The following BAP1 variants were observed in gnomAD, a reference collection of about 807,000 sequenced individuals.
BAP1 encodes the protein BRCA1 associated deubiquitinase 1, also known as ubiquitin carboxyl-terminal hydrolase BAP1.
In BAP1, 16 loss-of-function variants were observed where a neutral mutation model predicts 77.2. The ratio of observed to expected loss-of-function variants is 0.21; its 90% confidence interval spans 0.14 to 0.31. The LOEUF is 0.31. Among genes scored for constraint, BAP1 ranks in the 10% least tolerant of loss-of-function variants. The pLI is 1.00. For missense variants in BAP1, 699 were observed against 967.3 expected, an observed-to-expected ratio of 0.72 and a Z score of 3.68; for synonymous variants, 362 against 385.2, an observed-to-expected ratio of 0.94 and a Z score of 0.71.
chr3:52,409,407 G>T, intron 3 of BAP1, 147 bp downstream of exon 3: 1 of 1,079,698 alleles, frequency 9.3e-7, no homozygotes, highest in Non-Finnish European at 1.4e-6. Flanking sequence ...TTGATCAGGA[G>T]CGGGCACTCA....
chr3:52,406,688 G>A lies in BAP1; in HGVS notation c.659+141C>T. ...GCCCAGGCAGGAAATAAGACAACAA[G>A]TTGAGAACCCATGATCTAAGCCTGA... On this transcript the variant is annotated intron_variant, in intron 8 of 16. Coordinates refer to ENST00000460680, the MANE Select transcript of BAP1 (RefSeq NM_004656.4). The surrounding 1 kb of genome is among the most constrained non-coding windows in gnomAD (Gnocchi z 4.6). The A allele has an allele frequency of 1.9e-6, 2 of 1,075,504 alleles. No individual in the cohort carries two copies. Among genetic ancestry groups the A allele is most frequent in the South Asian group, 1.4e-5 (1 of 72,462 alleles). The allele number at this position is 1,075,504 out of a possible 1,614,324, so 66.6% of individuals were successfully genotyped here. A position where few individuals can be genotyped will look rare whatever the true frequency, so the allele number is the denominator to read the frequency against.
In BAP1 at chr3:52,404,535, G is replaced by T. The variant is rs1425178905; in HGVS notation, c.1168C>A (p.Pro390Thr). Residue 390 changes from proline (P) to threonine (T), a missense_variant, in exon 12 of 17, where the codon CCA (proline) becomes ACA (threonine). By Grantham distance (38) the Pro-to-Thr change is conservative. Around this residue, in one of 3 missense-constraint regions of BAP1, gnomAD observed 475 missense variants for 532.4 expected, o/e 0.89. Transcript: ENST00000460680. ...TCATCATCTGAGTACTGCTGGGGTG[G>T]GCGGACTGGAACTCGGCTGCGGCCC... ...GVGRSRVPVR[P>T]PQQYSDDEDD... 6.2e-7 allele frequency: 1 copy of T among 1,614,072 alleles called. No individual in the cohort carries two copies. Among genetic ancestry groups the T allele is most frequent in the East Asian group, 2.2e-5 (1 of 44,882 alleles).
intron 3 of BAP1, 91 bp downstream of exon 3, chr3:52,409,463 C>T (rs1449556932): frequency 4.6e-6 from 7 of 1,524,816 alleles, no homozygotes; most frequent in Non-Finnish European, 6.4e-6. Context: ...ACGTAGGGTT[C>T]CTGGCACTGT....
intron 9 of BAP1, 29 bp from the exon 10 acceptor site, chr3:52,405,941 G>C (rs1559589372): frequency 6.2e-7 from 1 of 1,613,474 alleles, no homozygotes; most frequent in Non-Finnish European, 8.5e-7. Flanking sequence ...GCTCAGAGGA[G>C]AAAGGGTAGA....
chr3:52,404,364 G>A, intron 12 of BAP1, 89 bp downstream of exon 12: 1 of 1,601,636 alleles, frequency 6.2e-7, no homozygotes, highest in Non-Finnish European at 8.6e-7. Flanking sequence ...AACATTATCT[G>A]CTGCAGGGCA....
rs558581070 is a variant in BAP1, at chr3:52,408,519, G to C, written c.210C>G (p.Ser70=). 2.5e-6 allele frequency: 4 copies of C among 1,612,074 alleles called. No individual in the cohort carries two copies. The East Asian group carries it at 8.9e-5, about 36-fold the overall frequency. ...TATTCACAATATCATCATCAATCAC[G>C]GACGTATCATCCACCAAGGTAGAGA... ...RKVSTLVDDT[S]VIDDDIVNNM... Residue 70 remains serine, a synonymous_variant, in exon 4 of 17, where the codon TCC becomes TCG. Coordinates refer to ENST00000460680, the MANE Select transcript of BAP1 (RefSeq NM_004656.4).
Position 52,402,711 on chromosome 3 carries a change from A to G in BAP1, c.1984-37T>C, listed in dbSNP as rs1281728550. 5.6e-6 allele frequency: 9 copies of G among 1,614,002 alleles called. No homozygotes were observed. The Admixed American group carries it at 8.3e-5, about 15-fold the overall frequency. ...AAGAAGACTGAGAGCACTGGAGCCA[A>G]TCTTGCCAGAGCAGCCACCAGTGGA... On this transcript the variant is annotated intron_variant, in intron 15 of 16. Transcript: ENST00000460680. The surrounding 1 kb of genome is among the most constrained non-coding windows in gnomAD (Gnocchi z 5.3).
chr3:52,402,255 A>G lies in BAP1; in HGVS notation c.*33T>C. ...AGGACCCTGGTGAGGGCCACACGGC[A>G]AGAGTGGGCTGCAGAGTCAGGGCCA... On this transcript the variant is annotated 3_prime_UTR_variant, in exon 17 of 17. Coordinates refer to ENST00000460680, the MANE Select transcript of BAP1 (RefSeq NM_004656.4). The surrounding 1 kb of genome is among the most constrained non-coding windows in gnomAD (Gnocchi z 5.3). The G allele has an allele frequency of 6.3e-7, 1 of 1,596,484 alleles. No individual in the cohort carries two copies. Among genetic ancestry groups the G allele is most frequent in the South Asian group, 1.1e-5 (1 of 87,862 alleles).
In BAP1 at chr3:52,409,768, G is replaced by A. The variant is rs753945199; in HGVS notation, c.38-25C>T. The A allele has an allele frequency of 5.0e-6, 8 of 1,613,532 alleles. No homozygotes were observed. Among genetic ancestry groups the A allele is most frequent in the South Asian group, 4.4e-5 (4 of 91,074 alleles). ...CCTGGGTGGGGCGACAAGAGGAGGG[G>A]GTGATGGTCAGGCAGGCGCGTCCCG... On this transcript the variant is annotated intron_variant, in intron 1 of 16. Transcript: ENST00000460680.
intron 10 of BAP1, 45 bp from the exon 11 acceptor site, chr3:52,405,339 C>T (rs754760218): frequency 3.0e-5 from 48 of 1,610,020 alleles, no homozygotes; most frequent in Non-Finnish European, 3.9e-5. Context: ...GTAGGATCTC[C>T]AAGAAAAGCT....
intron 7 of BAP1, 71 bp downstream of exon 7, chr3:52,407,103 A>C (rs1705190503): frequency 1.2e-6 from 2 of 1,608,108 alleles, no homozygotes; most frequent in Non-Finnish European, 1.7e-6. Context: ...CACATACCAG[A>C]GGGCCCTGAG....
rs1705227330 is a variant in BAP1 at position 52,408,205 on chromosome 3, C to T, written c.256-128G>A. ...GACAACTCCCCTTCTCAGCTCCTTTCATCTTTGCCTAATGTTTATTCATTT... is the reference window on the plus strand; with the variant it reads ...GACAACTCCCCTTCTCAGCTCCTTTTATCTTTGCCTAATGTTTATTCATTT... On this transcript the variant is annotated intron_variant, in intron 4 of 16. Transcript: ENST00000460680. 2.8e-6 allele frequency: 4 copies of T among 1,451,652 alleles called. No homozygotes were observed. The Admixed American group carries it at 7.9e-5, about 29-fold the overall frequency. 89.9% of individuals were successfully genotyped at this position (1,451,652 alleles called of 1,614,324 possible). A position where few individuals can be genotyped will look rare whatever the true frequency, so the allele number is the denominator to read the frequency against.
chr3:52,404,386 AGACTGAGATATT>A lies in BAP1; in HGVS notation c.1250+55_1250+66del, dbSNP rs905596306. 100 of 1,608,688 alleles carry A rather than the reference AGACTGAGATATT, an allele frequency of 6.2e-5. No homozygotes were observed. In the Middle Eastern group the frequency reaches 1.7e-3, roughly 27 times the overall value. Reference sequence around the variant, plus strand: ...TCTGCTGCAGGGCATTCTCAGACACAGACTGAGATATTCAGGATGGGATCCGAAGCACCTAGA... The same window carrying A: ...TCTGCTGCAGGGCATTCTCAGACACACAGGATGGGATCCGAAGCACCTAGA... On this transcript the variant is annotated intron_variant, in intron 12 of 16. Transcript: ENST00000460680.
rs28997577 is a variant in BAP1, at chr3:52,405,224, T to C, written c.1002A>G (p.Leu334=). 9,154 of 1,614,056 alleles carry C rather than the reference T, an allele frequency of 5.7e-3. 70 individuals carry two copies. Among genetic ancestry groups the C allele is most frequent in the South Asian group, 0.023 (2,121 of 91,082 alleles). The change falls in exon 11 of 17, where the codon CTA becomes CTG. Residue 334 remains leucine, a synonymous_variant. Coordinates refer to ENST00000460680, the MANE Select transcript of BAP1 (RefSeq NM_004656.4). ...PSHSPPNKPK[L]VVKPPGSSLN... ...GGCTGCTGCCTGGAGGCTTCACCAC[T>C]AGCTTGGGTTTGTTGGGAGGGCTGT...
Position 52,405,282 on chromosome 3 carries a change from T to G in BAP1, c.944A>C (p.Glu315Ala), listed in dbSNP as rs149974450. The change falls in exon 11 of 17, where the codon GAG becomes GCG. Residue 315 changes from glutamate (E) to alanine (A), a missense_variant. By Grantham distance (107) the Glu-to-Ala change is moderately radical. Coordinates refer to ENST00000460680, the MANE Select transcript of BAP1 (RefSeq NM_004656.4). ...GGCTTGTGCGCATGAACCAGCCGCC[T>G]CCTCTGCACCATCTGAGACAGGGCA... ...SEGNHTDGAE[E>A]AAGSCAQAPS... is the part of the protein sequence containing the mutation. 89 of 1,613,644 alleles carry G rather than the reference T, an allele frequency of 5.5e-5. No individual in the cohort carries two copies. The highest frequency in any genetic ancestry group is 1.7e-4 in the Middle Eastern group (1 of 6,012).
At chr3:52,409,520 G>C in intron 3 of BAP1, 34 bp downstream of exon 3, 1 of 1,613,562 alleles carries the variant, frequency 6.2e-7, no homozygotes, top group Non-Finnish European at 8.5e-7. Flanking sequence ...AGCACTCTGG[G>C]TGTAAGGGGC....
At position 52,409,977 on chromosome 3, in the gene BAP1, A is replaced by G; in HGVS notation, c.-99T>C. 1 of 1,514,248 alleles carries G rather than the reference A, an allele frequency of 6.6e-7. No homozygotes were observed. The highest frequency in any genetic ancestry group is 2.4e-5 in the East Asian group (1 of 41,096). The allele number at this position is 1,514,248 out of a possible 1,614,324, so 93.8% of individuals were successfully genotyped here. On this transcript the variant is annotated 5_prime_UTR_variant, in exon 1 of 17. Transcript: ENST00000460680. ...ACCGCCCCCGGGGCCCCTCAGTCCC[A>G]CACACAGACAACGGGCCCAGTCGCG...
chr3:52,406,552 C>T lies in BAP1; in HGVS notation c.660-176G>A. The T allele has an allele frequency of 9.5e-7, 1 of 1,054,820 alleles. No homozygotes were observed. The highest frequency in any genetic ancestry group is 2.0e-5 in the Admixed American group (1 of 49,236). The allele number at this position is 1,054,820 out of a possible 1,614,324, so 65.3% of individuals were successfully genotyped here. A position where few individuals can be genotyped will look rare whatever the true frequency, so the allele number is the denominator to read the frequency against. ...GCCAGGCACCTGAGCTGGTACCTTCCAACAAGCTGTATGAGGGGCCTATCT... is the reference window on the plus strand; with the variant it reads ...GCCAGGCACCTGAGCTGGTACCTTCTAACAAGCTGTATGAGGGGCCTATCT... On this transcript the variant is annotated intron_variant, in intron 8 of 16. Coordinates refer to ENST00000460680, the MANE Select transcript of BAP1 (RefSeq NM_004656.4). The surrounding 1 kb of genome is among the most constrained non-coding windows in gnomAD (Gnocchi z 4.6).
rs1705160800 is a variant in BAP1 at position 52,406,445 on chromosome 3, C to A, written c.660-69G>T. On this transcript the variant is annotated intron_variant, in intron 8 of 16. Transcript: ENST00000460680. The surrounding 1 kb of genome is among the most constrained non-coding windows in gnomAD (Gnocchi z 4.6). ...CCCGCCATCAGGTTGAGGCAGATAT[C>A]CTGGCAGGGCTCCCTGCAGTCACAC... 3 of 1,602,226 alleles carry A rather than the reference C, an allele frequency of 1.9e-6. No homozygotes were observed. In the African/African-American group the frequency reaches 4.0e-5, roughly 21 times the overall value.
Sources: gnomAD v4.1 joint callset for allele counts on GRCh38, gnomAD v4.1.1 for gene constraint, gnomAD v4.1.1 regional missense constraint, Gnocchi (gnomAD v3.1) non-coding constraint, MANE v1.5 for transcripts, NCBI Gene and HGNC (gene_info 2026-07-23, HGNC 2026-07-21) for gene names.